The following TAF3 variants were observed in gnomAD, a reference collection of about 807,000 sequenced individuals.
The protein encoded by TAF3 is transcription initiation factor TFIID subunit 3.
In TAF3, 7 loss-of-function variants were observed where a neutral mutation model predicts 80.6. The observed-to-expected ratio is 0.09, with a 90% CI of 0.05 to 0.16. The LOEUF (loss-of-function observed/expected upper bound fraction) is 0.16, where lower values mean the gene tolerates loss of function less well. Ranked by LOEUF, TAF3 falls within the 10% of genes least tolerant of loss-of-function variation. TAF3 has a pLI of 1.00. For missense variants in TAF3, 921 were observed against 1,140.2 expected, an observed-to-expected ratio of 0.81 and a Z score of 2.77; for synonymous variants, 444 against 446.1, an observed-to-expected ratio of 1.00 and a Z score of 0.06.
chr10:7,988,419 G>C (rs1831798643), intron 4 of TAF3, among the ~76,000 whole-genome samples: 1 of 151,564 alleles, frequency 6.6e-6, no homozygotes, highest in Admixed American at 6.6e-5. Flanking sequence ...GTGAAACCCT[G>C]TTTCTACTAA....
At chr10:7,947,594 C>T (rs1051415943) in intron 2 of TAF3, among the ~76,000 whole-genome samples, 4 of 152,146 alleles carry the variant, frequency 2.6e-5, no homozygotes, top group Admixed American at 6.5e-5. Context: ...GAGAAGCAGC[C>T]GTGAGCCGAC....
intron 2 of TAF3, among the ~76,000 whole-genome samples, chr10:7,915,190 T>G (rs1384796840): frequency 6.6e-6 from 1 of 151,114 alleles, no homozygotes; most frequent in Non-Finnish European, 1.5e-5. Flanking sequence ...TCTGCCTGCC[T>G]CGGCCTCCCC....
chr10:7,865,553 G>A (rs746642474), intron 2 of TAF3, among the ~76,000 whole-genome samples: 5 of 152,148 alleles, frequency 3.3e-5, no homozygotes, highest in South Asian at 2.1e-4. Context: ...ACCTTGGTGC[G>A]TGCTGAGCTG....
At chr10:7,944,619 A>G (rs548591013) in intron 2 of TAF3, among the ~76,000 whole-genome samples, 19 of 152,360 alleles carry the variant, frequency 1.2e-4, no homozygotes, top group African/African-American at 4.3e-4. Context: ...TAGTTATTGA[A>G]TAATTACTCA....
rs745907554 is a variant in TAF3, at chr10:7,964,802, G to T, written c.1292G>T (p.Cys431Phe). ...TSPKRISGPE[C>F]TTPKASTSAN... is the part of the protein sequence containing the mutation. ...CCTAAGAGAATTTCAGGCCCGGAGT[G>T]TACTACTCCCAAAGCTTCCACTTCC... The change falls in exon 3 of 7, where the codon TGT (cysteine) becomes TTT (phenylalanine). Residue 431 changes from cysteine (C) to phenylalanine (F), a missense_variant. Physicochemically the swap from Cys to Phe is radical, Grantham distance 205. Around this residue, in one of 6 missense-constraint regions of TAF3, gnomAD observed 743 missense variants for 821.0 expected, o/e 0.90. Transcript: ENST00000344293. This position sits in a 1 kb window ranked among gnomAD's most constrained non-coding sequence, Gnocchi z 4.1. 1.2e-6 allele frequency: 2 copies of T among 1,614,058 alleles called. No individual in the cohort carries two copies. The highest frequency in any genetic ancestry group is 3.3e-5 in the Admixed American group (2 of 59,996).
At chr10:8,002,970 CT>C (rs144780952) in intron 4 of TAF3, among the ~76,000 whole-genome samples, 3 of 152,016 alleles carry the variant, frequency 2.0e-5, no homozygotes, top group African/African-American at 4.8e-5. Context: ...GCCTTAAAGT[CT>C]TTTTTGTGTG....
intron 2 of TAF3, among the ~76,000 whole-genome samples, chr10:7,860,668 A>T (rs1229310555): frequency 6.6e-6 from 1 of 152,182 alleles, no homozygotes; most frequent in Non-Finnish European, 1.5e-5. Flanking sequence ...TACCAATTAA[A>T]TTTTTATATC....
At chr10:7,828,688 C>T (rs1425451536) in intron 2 of TAF3, among the ~76,000 whole-genome samples, 1 of 144,878 alleles carries the variant, frequency 6.9e-6, no homozygotes, top group Non-Finnish European at 1.5e-5. Context: ...GATCACTGGT[C>T]AATGGGGGTC....
chr10:7,863,678 T>TATACACACAC lies in TAF3; in HGVS notation c.409+39121_409+39122insCACACACATA, dbSNP rs1435861023. 1.7e-4 allele frequency among the ~76,000 whole-genome samples: 14 copies of TATACACACAC among 81,574 alleles called. 1 individual carries two copies. The highest frequency in any genetic ancestry group is 9.1e-4 in the East Asian group (1 of 1,094). 53.5% of individuals were successfully genotyped at this position (81,574 alleles called of 152,430 possible). Reference sequence around the variant, plus strand: ...ACACATATATATATACACACATATATATATATACACACACATATATATATA... The same window carrying TATACACACAC: ...ACACATATATATATACACACATATATATACACACACATATATACACACACATATATATATA... On this transcript the variant is annotated intron_variant, in intron 2 of 6. Transcript: ENST00000344293.
At chr10:7,844,275 T>A (rs1183929077) in intron 2 of TAF3, among the ~76,000 whole-genome samples, 1 of 152,202 alleles carries the variant, frequency 6.6e-6, no homozygotes, top group African/African-American at 2.4e-5. Flanking sequence ...CTTCCATGTT[T>A]TGATTTTTAA....
chr10:7,905,270 C>T (rs546219009), intron 2 of TAF3, among the ~76,000 whole-genome samples: 3 of 152,252 alleles, frequency 2.0e-5, no homozygotes, highest in East Asian at 1.9e-4. Context: ...AAGAGTGACA[C>T]GCGCTGCCTT....
At chr10:7,887,232 TAAA>T (rs528310249) in intron 2 of TAF3, among the ~76,000 whole-genome samples, 2 of 139,530 alleles carry the variant, frequency 1.4e-5, no homozygotes, top group African/African-American at 2.7e-5. Context: ...ACTCTGTATT[TAAA>T]AAAAAAAAAA....
chr10:7,839,035 G>C (rs767830742), intron 2 of TAF3, among the ~76,000 whole-genome samples: 1 of 151,338 alleles, frequency 6.6e-6, no homozygotes, highest in Non-Finnish European at 1.5e-5. Flanking sequence ...TTCAGTACAC[G>C]TGTCTTAGCA....
rs373559299 is a variant in TAF3, at chr10:7,892,539, A to G, written c.409+67979A>G. Among the ~76,000 whole-genome samples, 27 of 152,366 alleles carry G rather than the reference A, an allele frequency of 1.8e-4. 1 individual carries two copies. In the South Asian group the frequency reaches 5.4e-3, roughly 30 times the overall value. ...TTTAAAAAGCAGCATATAGCATTTT[A>G]TATCTTTCAATATATTAACATAGTA... On this transcript the variant is annotated intron_variant, in intron 2 of 6. Coordinates refer to ENST00000344293, the MANE Select transcript of TAF3 (RefSeq NM_031923.4).
chr10:7,998,928 T>G (rs1392544904), intron 4 of TAF3, among the ~76,000 whole-genome samples: 1 of 152,028 alleles, frequency 6.6e-6, no homozygotes, highest in African/African-American at 2.4e-5. Flanking sequence ...ATATTCATTA[T>G]GTGTTTGGTA....
intron 4 of TAF3, among the ~76,000 whole-genome samples, chr10:8,005,997 AAAAAGCAGAAT>A (rs962058204): frequency 2.6e-5 from 4 of 152,148 alleles, no homozygotes; most frequent in Non-Finnish European, 5.9e-5. Flanking sequence ...TTCTTCGTTT[AAAAAGCAGAAT>A]AATAGCTTGC....
chr10:7,904,890 C>G, intron 2 of TAF3, among the ~76,000 whole-genome samples: 1 of 152,092 alleles, frequency 6.6e-6, no homozygotes, highest in East Asian at 1.9e-4. Context: ...ACACATGAAC[C>G]CCAATTCCCC....
At chr10:7,883,196 A>C (rs962459348) in intron 2 of TAF3, among the ~76,000 whole-genome samples, 1 of 152,244 alleles carries the variant, frequency 6.6e-6, no homozygotes, top group African/African-American at 2.4e-5. Context: ...CCCGTGGTGC[A>C]TTCAGTCAGC....
At chr10:7,976,344 T>G (rs1426858353) in intron 3 of TAF3, among the ~76,000 whole-genome samples, 2 of 151,860 alleles carry the variant, frequency 1.3e-5, no homozygotes, top group Admixed American at 6.6e-5. Context: ...CCTCCTGAGT[T>G]CAAGCGATTC....
Sources: allele counts gnomAD v4.1 joint callset (sites outside exome capture counted in the v4.1 genomes callset), GRCh38; gene constraint gnomAD v4.1.1; regional missense constraint gnomAD v4.1.1; non-coding constraint Gnocchi (gnomAD v3.1); transcripts MANE v1.5; gene names NCBI Gene and HGNC (gene_info 2026-07-23, HGNC 2026-07-21).